Variants in KHDRBS2 observed in about 807,000 individuals in gnomAD.
The protein encoded by KHDRBS2 is KH domain-containing, RNA-binding, signal transduction-associated protein 2.
Under a neutral mutation model 44.3 loss-of-function variants are expected in KHDRBS2, and 26 were observed. That is an observed-to-expected ratio of 0.59 (90% CI 0.43 to 0.81). The LOEUF (loss-of-function observed/expected upper bound fraction) is 0.81, where lower values mean the gene tolerates loss of function less well. Ranked by LOEUF, KHDRBS2 falls within the 40% of genes least tolerant of loss-of-function variation. The probability of loss-of-function intolerance (pLI) is 0.00; values close to 1 mark genes in which losing one functional copy is unlikely to be tolerated. For synonymous variants in KHDRBS2, 194 were observed against 151.1 expected (o/e 1.28, Z -2.08); for missense variants, 476 against 433.1 (o/e 1.10, Z -0.88).
intron 6 of KHDRBS2, among the ~76,000 whole-genome samples, chr6:61,842,275 A>T (rs1448277189): frequency 6.6e-6 from 1 of 152,194 alleles, no homozygotes; most frequent in East Asian, 1.9e-4. Context: ...AGTGACATAC[A>T]TACTGAAGAG....
intron 3 of KHDRBS2, among the ~76,000 whole-genome samples, chr6:62,015,420 C>A (rs1283878010): frequency 6.6e-6 from 1 of 152,110 alleles, no homozygotes; most frequent in Non-Finnish European, 1.5e-5. Context: ...CAGGTGCATG[C>A]TTTCTGACTG....
intron 3 of KHDRBS2, among the ~76,000 whole-genome samples, chr6:62,021,555 C>G (rs560109956): frequency 1.7e-4 from 26 of 151,716 alleles, no homozygotes; most frequent in Non-Finnish European, 3.2e-4. Context: ...TTTGGCCATA[C>G]TGTCAGAGTC....
intron 6 of KHDRBS2, among the ~76,000 whole-genome samples, chr6:61,891,721 C>G (rs1801876849): frequency 6.6e-6 from 1 of 152,142 alleles, no homozygotes; most frequent in South Asian, 2.1e-4. Context: ...TAAAAACTCT[C>G]AATAAATTAG....
chr6:61,725,599 T>C (rs1773420009), intron 7 of KHDRBS2, among the ~76,000 whole-genome samples: 1 of 151,756 alleles, frequency 6.6e-6, no homozygotes, highest in Admixed American at 6.6e-5. Context: ...CAATCAGAAA[T>C]GATAAGGGGG....
intron 2 of KHDRBS2, among the ~76,000 whole-genome samples, chr6:62,095,025 A>G (rs1335604739): frequency 6.6e-6 from 1 of 151,844 alleles, no homozygotes; most frequent in Non-Finnish European, 1.5e-5. Flanking sequence ...TTTGCTCAGA[A>G]TTGCTTTGGC....
intron 3 of KHDRBS2, among the ~76,000 whole-genome samples, chr6:62,010,579 T>G (rs1167647787): frequency 6.6e-6 from 1 of 152,142 alleles, no homozygotes; most frequent in Non-Finnish European, 1.5e-5. Flanking sequence ...ATAATTGCGA[T>G]GTGTTGTGGG....
intron 6 of KHDRBS2, among the ~76,000 whole-genome samples, chr6:61,880,364 A>G (rs377426024): frequency 6.6e-6 from 1 of 151,920 alleles, no homozygotes; most frequent in Non-Finnish European, 1.5e-5. Context: ...TCTGGAAGGG[A>G]GAGGATTTGG....
At chr6:61,915,888 A>G (rs751880416) in intron 4 of KHDRBS2, among the ~76,000 whole-genome samples, 15 of 152,148 alleles carry the variant, frequency 9.9e-5, no homozygotes, top group Non-Finnish European at 1.9e-4. Flanking sequence ...TTAGCAAACC[A>G]CAAAAGCCAT....
intron 2 of KHDRBS2, among the ~76,000 whole-genome samples, chr6:62,054,424 T>A (rs549067282): frequency 1.1e-4 from 17 of 152,186 alleles, no homozygotes; most frequent in Non-Finnish European, 2.1e-4. Context: ...GATCACTGAC[T>A]GAATAATGGT....
At chr6:61,736,943 A>T (rs1188112800) in intron 6 of KHDRBS2, among the ~76,000 whole-genome samples, 1 of 152,098 alleles carries the variant, frequency 6.6e-6, no homozygotes, top group South Asian at 2.1e-4. Flanking sequence ...CAAGGACTAT[A>T]TCATAGTTTA....
At position 62,286,024 on chromosome 6, in the gene KHDRBS2, C is replaced by A; in HGVS notation, c.-76G>T. On this transcript the variant is annotated 5_prime_UTR_variant, in exon 1 of 9. Coordinates refer to ENST00000281156, the MANE Select transcript of KHDRBS2 (RefSeq NM_152688.4). ...GGACGCAGGCAGGGTCTTGGGGCAG[C>A]GCCTGGCTCCCGCGCTGCTCCTCCT... 1 of 851,138 alleles carries A rather than the reference C, an allele frequency of 1.2e-6. No individual in the cohort carries two copies. The highest frequency in any genetic ancestry group is 1.4e-5 in the South Asian group (1 of 71,052). 52.7% of individuals were successfully genotyped at this position (851,138 alleles called of 1,614,324 possible). A position where few individuals can be genotyped will look rare whatever the true frequency, so the allele number is the denominator to read the frequency against.
In KHDRBS2 at chr6:61,894,806, G is replaced by T. The variant is rs754226249; in HGVS notation, c.639C>A (p.Pro213=). ...SRGRGGAIPP[P]PPPGRGVLTP... ...TGAGAACACCTCGTCCAGGTGGTGG[G>T]GGAGGAGGAATGGCACCCCCACGGC... The change falls in exon 6 of 9, where the codon CCC becomes CCA. Residue 213 remains proline (P), a synonymous_variant. Coordinates refer to ENST00000281156, the MANE Select transcript of KHDRBS2 (RefSeq NM_152688.4). 1.2e-6 allele frequency: 2 copies of T among 1,612,280 alleles called. No individual in the cohort carries two copies. The highest frequency in any genetic ancestry group is 4.5e-5 in the East Asian group (2 of 44,810).
intron 4 of KHDRBS2, among the ~76,000 whole-genome samples, chr6:61,949,144 T>A (rs1562498314): frequency 6.6e-6 from 1 of 152,136 alleles, no homozygotes; most frequent in Non-Finnish European, 1.5e-5. Flanking sequence ...CCTGTCCCAC[T>A]GAATAGTGGT....
chr6:61,789,063 C>T (rs114016559), intron 6 of KHDRBS2, among the ~76,000 whole-genome samples: 249 of 151,296 alleles, frequency 1.6e-3, no homozygotes, highest in African/African-American at 5.5e-3. Flanking sequence ...TCTGCAAAAT[C>T]GTCGTAAGAA....
intron 6 of KHDRBS2, among the ~76,000 whole-genome samples, chr6:61,821,826 T>C (rs1018819653): frequency 6.6e-6 from 1 of 151,948 alleles, no homozygotes; most frequent in Non-Finnish European, 1.5e-5. Context: ...CTGGTATTTC[T>C]GTTAGAGTAA....
rs536232333 is a variant in KHDRBS2 at position 61,968,341 on chromosome 6, T to C, written c.483+9725A>G. ...ATAATTCCAACATATGATATGTTCATGCCCCTACACCTACCACAGTTCTGT... is the reference window on the plus strand; with the variant it reads ...ATAATTCCAACATATGATATGTTCACGCCCCTACACCTACCACAGTTCTGT... On this transcript the variant is annotated intron_variant, in intron 4 of 8. Coordinates refer to ENST00000281156, the MANE Select transcript of KHDRBS2 (RefSeq NM_152688.4). Among the ~76,000 whole-genome samples the C allele has an allele frequency of 2.6e-5, 4 of 152,140 alleles. No individual in the cohort carries two copies. The East Asian group carries it at 7.7e-4, about 29-fold the overall frequency.
chr6:62,148,059 C>T (rs777387896), intron 2 of KHDRBS2, among the ~76,000 whole-genome samples: 5 of 151,900 alleles, frequency 3.3e-5, no homozygotes, highest in Admixed American at 6.6e-5. Context: ...GATATTTTTA[C>T]GTTAACATTT....
At chr6:62,216,298 T>G (rs1266847091) in intron 1 of KHDRBS2, among the ~76,000 whole-genome samples, 1 of 151,828 alleles carries the variant, frequency 6.6e-6, no homozygotes, top group Non-Finnish European at 1.5e-5. Flanking sequence ...CAACAAAAGT[T>G]TGAATAATAT....
intron 6 of KHDRBS2, among the ~76,000 whole-genome samples, chr6:61,759,691 C>T (rs1229210072): frequency 6.6e-6 from 1 of 152,148 alleles, no homozygotes; most frequent in Non-Finnish European, 1.5e-5. Context: ...AATGTTTGAT[C>T]TCTTTCATTT....
Sources: gnomAD v4.1 joint callset for allele counts (sites outside exome capture counted in the v4.1 genomes callset) on GRCh38, gnomAD v4.1.1 for gene constraint, MANE v1.5 for transcripts, NCBI Gene and HGNC (gene_info 2026-07-23, HGNC 2026-07-21) for gene names.